Variants in USP10 observed in about 807,000 individuals in gnomAD.
The protein encoded by USP10 is ubiquitin specific peptidase 10, also known as ubiquitin carboxyl-terminal hydrolase 10.
USP10 carries 22 observed loss-of-function variants against 84.5 expected under a neutral mutation model. The observed-to-expected ratio is 0.26, with a 90% CI of 0.19 to 0.37. The LOEUF (loss-of-function observed/expected upper bound fraction) is 0.37. Ranked by LOEUF, USP10 falls within the 10% of genes least tolerant of loss-of-function variation. The pLI, the probability that USP10 is intolerant of heterozygous loss-of-function variation, is 1.00. For missense variants in USP10, 1,019 were observed against 998.9 expected (o/e 1.02, Z -0.27); for synonymous variants, 454 against 387.6 (o/e 1.17, Z -2.01).
At chr16:84,777,380 C>T (rs1020192239) in intron 13 of USP10, among the ~76,000 whole-genome samples, 44 of 152,194 alleles carry the variant, frequency 2.9e-4, no homozygotes, top group African/African-American at 8.2e-4. Flanking sequence ...AAACTCTTAG[C>T]CCAGTCAGTT....
chr16:84,703,252 TG>T (rs1389442564), intron 1 of USP10, among the ~76,000 whole-genome samples: 1 of 152,186 alleles, frequency 6.6e-6, no homozygotes, highest in Non-Finnish European at 1.5e-5. Flanking sequence ...TTAAATTATT[TG>T]GGGTAATTAA....
chr16:84,736,978 C>G (rs1026855320), intron 2 of USP10, among the ~76,000 whole-genome samples: 1 of 152,098 alleles, frequency 6.6e-6, no homozygotes, highest in Non-Finnish European at 1.5e-5. Flanking sequence ...TTAGTAGAGG[C>G]GGGGTTTCAC....
intron 2 of USP10, among the ~76,000 whole-genome samples, chr16:84,738,691 C>G: frequency 6.6e-6 from 1 of 152,322 alleles, no homozygotes; most frequent in Middle Eastern, 3.4e-3. Context: ...GCTGTCAACT[C>G]CTGAAGGTGT....
intron 8 of USP10, among the ~76,000 whole-genome samples, chr16:84,762,651 A>G (rs536720218): frequency 6.6e-6 from 1 of 151,960 alleles, no homozygotes; most frequent in South Asian, 2.1e-4. Context: ...AGATTGCACC[A>G]CTGCACTCCA....
intron 3 of USP10, among the ~76,000 whole-genome samples, chr16:84,743,597 C>T (rs1910875781): frequency 6.6e-6 from 1 of 152,016 alleles, no homozygotes; most frequent in Admixed American, 6.6e-5. Flanking sequence ...AAGAAATCTT[C>T]ATGCATTAAA....
chr16:84,720,004 T>C (rs563341831), intron 1 of USP10, among the ~76,000 whole-genome samples: 1 of 152,340 alleles, frequency 6.6e-6, no homozygotes, highest in Admixed American at 6.5e-5. Flanking sequence ...TAACTTTGCT[T>C]TCCATTAACA....
At chr16:84,730,334 C>G (rs1355195658) in intron 1 of USP10, among the ~76,000 whole-genome samples, 2 of 151,986 alleles carry the variant, frequency 1.3e-5, no homozygotes, top group South Asian at 4.2e-4. Context: ...TTTTGAAGAT[C>G]TCTCGCTGTC....
chr16:84,753,340 C>T (rs1053483413), intron 4 of USP10, among the ~76,000 whole-genome samples: 28 of 152,242 alleles, frequency 1.8e-4, no homozygotes, highest in African/African-American at 6.7e-4. Flanking sequence ...AACATTTCCT[C>T]TTGGGATGCT....
Position 84,763,031 on chromosome 16 carries a change from A to C in USP10, c.1597A>C (p.Asn533His). ...DAEEYLGFILNGLHEEMLNLK... is the reference protein window; with the variant it reads ...DAEEYLGFILHGLHEEMLNLK... ...TGAGGAATACTTAGGCTTCATTCTAAATGGACTTCATGAGGAAATGTTGAA... is the reference window on the plus strand; with the variant it reads ...TGAGGAATACTTAGGCTTCATTCTACATGGACTTCATGAGGAAATGTTGAA... Residue 533 changes from asparagine (N) to histidine (H), a missense_variant, in exon 9 of 14, where the codon AAT becomes CAT. Physicochemically the swap from Asn to His is moderately conservative, Grantham distance 68. Around this residue, in one of 2 missense-constraint regions of USP10, gnomAD observed 787 missense variants for 708.8 expected, o/e 1.11. Coordinates refer to ENST00000219473, the MANE Select transcript of USP10 (RefSeq NM_005153.3). The C allele has an allele frequency of 6.2e-7, 1 of 1,612,850 alleles. No individual in the cohort carries two copies. Among genetic ancestry groups the C allele is most frequent in the Non-Finnish European group, 8.5e-7 (1 of 1,179,074 alleles).
chr16:84,732,368 A>G (rs1025648380), intron 1 of USP10: 2 of 369,364 alleles, frequency 5.4e-6, no homozygotes, highest in South Asian at 4.2e-5. Flanking sequence ...GTTCTAAATA[A>G]TTATTGATTA....
chr16:84,765,792 TG>T (rs1399382885), intron 10 of USP10, among the ~76,000 whole-genome samples: 1 of 152,212 alleles, frequency 6.6e-6, no homozygotes, highest in African/African-American at 2.4e-5. Flanking sequence ...GTGACTGGGC[TG>T]GAGTCCCTGG....
At chr16:84,702,230 G>C (rs1904979470) in intron 1 of USP10, among the ~76,000 whole-genome samples, 1 of 151,080 alleles carries the variant, frequency 6.6e-6, no homozygotes, top group South Asian at 2.1e-4. Flanking sequence ...CTAATTTTTT[G>C]TATTTTTATT....
intron 1 of USP10, among the ~76,000 whole-genome samples, chr16:84,713,064 C>T (rs563734170): frequency 3.3e-5 from 5 of 152,320 alleles, no homozygotes; most frequent in Non-Finnish European, 5.9e-5. Flanking sequence ...CCAGCCTTTC[C>T]AGTACAGGGC....
chr16:84,714,261 A>G (rs1162704722), intron 1 of USP10, among the ~76,000 whole-genome samples: 1 of 152,202 alleles, frequency 6.6e-6, no homozygotes, highest in Admixed American at 6.5e-5. Context: ...TTCATGGTAT[A>G]GTAGTTTCTT....
At chr16:84,752,667 A>C (rs2150836298) in intron 4 of USP10, among the ~76,000 whole-genome samples, 1 of 152,356 alleles carries the variant, frequency 6.6e-6, no homozygotes, top group Admixed American at 6.5e-5. Context: ...GGATTCATTC[A>C]CTTGAACATA....
At chr16:84,726,095 G>T (rs1175259492) in intron 1 of USP10, among the ~76,000 whole-genome samples, 1 of 152,216 alleles carries the variant, frequency 6.6e-6, no homozygotes. Context: ...TTACTTCAGG[G>T]CTGATCTCCT....
chr16:84,764,939 A>AAT (rs1555548056), intron 10 of USP10, among the ~76,000 whole-genome samples: 58 of 132,264 alleles, frequency 4.4e-4, no homozygotes, highest in African/African-American at 1.3e-3. Context: ...GAGAAAAAAA[A>AAT]ATATATATAT....
intron 11 of USP10, among the ~76,000 whole-genome samples, chr16:84,769,140 A>G (rs1416037639): frequency 6.6e-6 from 1 of 152,230 alleles, no homozygotes; most frequent in East Asian, 1.9e-4. Flanking sequence ...GGTCCATAGC[A>G]TTCCTGCAAA....
In USP10 at chr16:84,773,834, C is replaced by T. The variant is rs188472877; in HGVS notation, c.2143+1149C>T. On this transcript the variant is annotated intron_variant, in intron 12 of 13. Coordinates refer to ENST00000219473, the MANE Select transcript of USP10 (RefSeq NM_005153.3). ...CGGCCTCTGCTCCTGCATCTTCACT[C>T]GCCTCCAGATCAGCTGTCTGAGCTG... Among the ~76,000 whole-genome samples, 128 of 152,326 alleles carry T rather than the reference C, an allele frequency of 8.4e-4. No individual in the cohort carries two copies. The Middle Eastern group carries it at 0.01, about 12-fold the overall frequency.
Sources: allele counts gnomAD v4.1 joint callset (sites outside exome capture counted in the v4.1 genomes callset), GRCh38; gene constraint gnomAD v4.1.1; regional missense constraint gnomAD v4.1.1; transcripts MANE v1.5; gene names NCBI Gene and HGNC (gene_info 2026-07-23, HGNC 2026-07-21).